Variants in IRAK2 observed in about 807,000 individuals in gnomAD.
IRAK2 encodes the protein interleukin 1 receptor associated kinase 2.
Under a neutral mutation model 72.0 loss-of-function variants are expected in IRAK2, and 57 were observed. The ratio of observed to expected loss-of-function variants is 0.79; its 90% CI spans 0.64 to 0.99. IRAK2 has a LOEUF of 0.99. Ranked by LOEUF, IRAK2 falls within the 50% of genes least tolerant of loss-of-function variation. The pLI is 0.00. For synonymous variants in IRAK2, 293 were observed against 312.7 expected (o/e 0.94, Z 0.67); for missense variants, 790 against 794.4 (o/e 0.99, Z 0.07).
chr3:10,202,616 C>CT (rs549019756), intron 3 of IRAK2, among the ~76,000 whole-genome samples: 41 of 151,490 alleles, frequency 2.7e-4, no homozygotes, highest in African/African-American at 9.7e-4. Flanking sequence ...GAGTGAGACT[C>CT]TGTCTCAACA....
intron 1 of IRAK2, among the ~76,000 whole-genome samples, chr3:10,175,493 C>T (rs1221947897): frequency 6.6e-6 from 1 of 152,076 alleles, no homozygotes; most frequent in Non-Finnish European, 1.5e-5. Context: ...GTGGCTCACA[C>T]CTGCAATCCC....
chr3:10,227,342 G>A (rs1697794720), intron 10 of IRAK2, among the ~76,000 whole-genome samples: 2 of 151,926 alleles, frequency 1.3e-5, no homozygotes, highest in South Asian at 4.2e-4. Flanking sequence ...CAGCTACTTG[G>A]GAGGCTGAGG....
At chr3:10,191,294 C>CA (rs60436432) in intron 2 of IRAK2, among the ~76,000 whole-genome samples, 51,659 of 143,542 alleles carry the variant, frequency 0.36, 9,336 homozygotes, top group Non-Finnish European at 0.4. Context: ...GAATCTGTCT[C>CA]AAAAAAAAAA....
chr3:10,179,405 G>A lies in IRAK2; in HGVS notation c.277+1385G>A, dbSNP rs557316553. Among the ~76,000 whole-genome samples, 3 of 150,986 alleles carry A rather than the reference G, an allele frequency of 2.0e-5. No individual in the cohort carries two copies. The East Asian group carries it at 5.9e-4, about 29-fold the overall frequency. ...TCCTGCCTCAGCCTCCCAAGTAGCT[G>A]TGATTACAGGTGCCCACTACCACAT... On this transcript the variant is annotated intron_variant, in intron 2 of 12. Transcript: ENST00000256458.
intron 2 of IRAK2, among the ~76,000 whole-genome samples, 182 bp from the exon 3 acceptor site, chr3:10,200,187 C>T (rs1697334221): frequency 6.6e-6 from 1 of 152,180 alleles, no homozygotes; most frequent in Non-Finnish European, 1.5e-5. Flanking sequence ...CGCGCCTGGT[C>T]TACCGCATTT....
rs1360690512 is a variant in IRAK2, at chr3:10,186,195, C to G, written c.277+8175C>G. Among the ~76,000 whole-genome samples the G allele has an allele frequency of 2.6e-5, 4 of 151,890 alleles. No homozygotes were observed. The East Asian group carries it at 7.7e-4, about 29-fold the overall frequency. The stretch of plus-strand genomic sequence containing the variant: ...CTGAAACGGAACTGGAAAGAATGTG[C>G]TTTTATTTAGGGCTCCTTGGCTTTC... On this transcript the variant is annotated intron_variant, in intron 2 of 12. Coordinates refer to ENST00000256458, the MANE Select transcript of IRAK2 (RefSeq NM_001570.4).
intron 1 of IRAK2, among the ~76,000 whole-genome samples, chr3:10,171,346 G>A (rs1201212681): frequency 6.6e-6 from 1 of 152,122 alleles, no homozygotes; most frequent in African/African-American, 2.4e-5. Context: ...CCTCATCCAT[G>A]AAGCACCCTC....
chr3:10,170,614 G>A (rs780052669), intron 1 of IRAK2, among the ~76,000 whole-genome samples: 7 of 152,150 alleles, frequency 4.6e-5, no homozygotes, highest in Non-Finnish European at 8.8e-5. Flanking sequence ...CTATGGAATG[G>A]AAGCCCCGTG....
chr3:10,182,369 G>A (rs1696973255), intron 2 of IRAK2, among the ~76,000 whole-genome samples: 2 of 150,054 alleles, frequency 1.3e-5, no homozygotes, highest in South Asian at 4.2e-4. Context: ...TGCAAGCTCC[G>A]CCTCCCAGGT....
intron 7 of IRAK2, 93 bp downstream of exon 7, chr3:10,217,141 G>T (rs1575980368): frequency 1.1e-6 from 1 of 890,652 alleles, no homozygotes; most frequent in East Asian, 2.4e-5. Flanking sequence ...AGAGGGGAGA[G>T]GGGCCATCTA....
chr3:10,223,612 A>G (rs895017940), intron 9 of IRAK2, among the ~76,000 whole-genome samples: 3 of 152,230 alleles, frequency 2.0e-5, no homozygotes, highest in African/African-American at 7.2e-5. Flanking sequence ...AATGGTAGTG[A>G]GCCTTTAATC....
chr3:10,185,617 G>A (rs1203677050), intron 2 of IRAK2, among the ~76,000 whole-genome samples: 3 of 148,872 alleles, frequency 2.0e-5, no homozygotes, highest in Non-Finnish European at 3.0e-5. Context: ...GCTCACACCT[G>A]TAATCCCAAC....
Position 10,222,846 on chromosome 3 carries a change from C to G in IRAK2, c.1209+15C>G. On this transcript the variant is annotated intron_variant, in intron 9 of 12. Coordinates refer to ENST00000256458, the MANE Select transcript of IRAK2 (RefSeq NM_001570.4). ...GCTGTGGAATAGTAAGAGTGTCCTG[C>G]TCTGCGTAGAGTGGGGCCCACCTTG... 1.9e-6 allele frequency: 3 copies of G among 1,611,274 alleles called. No homozygotes were observed. Among genetic ancestry groups the G allele is most frequent in the Non-Finnish European group, 2.5e-6 (3 of 1,177,444 alleles).
chr3:10,196,423 G>A (rs1267443160), intron 2 of IRAK2, among the ~76,000 whole-genome samples: 2 of 152,206 alleles, frequency 1.3e-5, no homozygotes, highest in Non-Finnish European at 2.9e-5. Flanking sequence ...CCTAGGGACT[G>A]TTTATTCTCC....
At position 10,177,757 on chromosome 3, in the gene IRAK2, C is replaced by T. The variant is rs1696898637; in HGVS notation, c.95-81C>T. Reference sequence around the variant, plus strand: ...GTTGGGGAGGATGTCCTGGAAAAGCCCAGCTAGGGGCTAGTGTGGGGACCT... The same window carrying T: ...GTTGGGGAGGATGTCCTGGAAAAGCTCAGCTAGGGGCTAGTGTGGGGACCT... On this transcript the variant is annotated intron_variant, in intron 1 of 12. Transcript: ENST00000256458. 2.8e-6 allele frequency: 4 copies of T among 1,410,596 alleles called. No homozygotes were observed. The South Asian group carries it at 4.6e-5, about 16-fold the overall frequency. The allele number at this position is 1,410,596 out of a possible 1,614,324, so 87.4% of individuals were successfully genotyped here.
chr3:10,200,578 T>G, intron 3 of IRAK2, 63 bp downstream of exon 3: 1 of 1,428,350 alleles, frequency 7.0e-7, no homozygotes, highest in Non-Finnish European at 9.4e-7. Context: ...GATATATCTA[T>G]AAGGACATTC....
intron 8 of IRAK2, among the ~76,000 whole-genome samples, chr3:10,221,060 C>T (rs60495748): frequency 0.055 from 8,399 of 151,740 alleles, 557 homozygotes; most frequent in African/African-American, 0.16. Flanking sequence ...CACACACACC[C>T]GTGCATTTGC....
At chr3:10,209,102 G>C (rs1320263104) in intron 3 of IRAK2, among the ~76,000 whole-genome samples, 1 of 152,006 alleles carries the variant, frequency 6.6e-6, no homozygotes, top group Non-Finnish European at 1.5e-5. Context: ...GCCTGTTATG[G>C]TCTCTCCTGC....
chr3:10,242,003 ATGCT>A, intron 12 of IRAK2, 109 bp from the exon 13 acceptor site: 1 of 530,712 alleles, frequency 1.9e-6, no homozygotes, highest in East Asian at 3.3e-5. Flanking sequence ...AAAAAAAGAA[ATGCT>A]CATTACACTC....
Sources: gnomAD v4.1 joint callset for allele counts (sites outside exome capture counted in the v4.1 genomes callset) on GRCh38, gnomAD v4.1.1 for gene constraint, MANE v1.5 for transcripts, NCBI Gene and HGNC (gene_info 2026-07-23, HGNC 2026-07-21) for gene names.